KCNB2: variants seen among roughly 807,000 people sequenced by gnomAD.
KCNB2 encodes delayed rectifier potassium channel protein.
KCNB2 carries 15 observed loss-of-function variants against 61.5 expected under a neutral mutation model. That is an observed-to-expected ratio of 0.24 (90% CI 0.16 to 0.38). KCNB2 has a LOEUF of 0.38. Ranked by LOEUF, KCNB2 falls within the 10% of genes least tolerant of loss-of-function variation. The pLI is 1.00. For missense variants in KCNB2, 828 were observed against 1,125.2 expected (o/e 0.74, Z 3.78); for synonymous variants, 457 against 446.0 (o/e 1.02, Z -0.31).
intron 2 of KCNB2, among the ~76,000 whole-genome samples, chr8:72,584,561 T>C (rs978406717): frequency 5.3e-5 from 8 of 152,192 alleles, no homozygotes; most frequent in Non-Finnish European, 1.2e-4. Context: ...GTGAAAAATA[T>C]ATATTTTTTA....
intron 2 of KCNB2, among the ~76,000 whole-genome samples, chr8:72,853,813 C>G (rs1049142444): frequency 2.6e-5 from 4 of 152,124 alleles, no homozygotes; most frequent in African/African-American, 9.7e-5. Flanking sequence ...AAGTGACAAC[C>G]CTTTTCTCTG....
chr8:72,785,230 A>C (rs1808828202), intron 2 of KCNB2, among the ~76,000 whole-genome samples: 1 of 152,194 alleles, frequency 6.6e-6, no homozygotes, highest in Non-Finnish European at 1.5e-5. Flanking sequence ...AAAGCTGCTA[A>C]CCAATAAGGA....
intron 2 of KCNB2, among the ~76,000 whole-genome samples, chr8:72,659,476 C>T (rs1451402290): frequency 6.6e-6 from 1 of 152,178 alleles, no homozygotes; most frequent in African/African-American, 2.4e-5. Context: ...GTTGATAATG[C>T]AGCATCAGGG....
intron 1 of KCNB2, among the ~76,000 whole-genome samples, chr8:72,539,177 T>C (rs1806156740): frequency 6.6e-6 from 1 of 152,228 alleles, no homozygotes; most frequent in South Asian, 2.1e-4. Context: ...TTCTTTGTTC[T>C]TAAATTAACT....
chr8:72,596,829 AAATATC>A (rs1807199742), intron 2 of KCNB2, among the ~76,000 whole-genome samples: 1 of 152,084 alleles, frequency 6.6e-6, no homozygotes, highest in East Asian at 1.9e-4. Flanking sequence ...GGGGTTTTCC[AAATATC>A]ACATGCATGA....
intron 1 of KCNB2, among the ~76,000 whole-genome samples, chr8:72,560,536 A>G (rs1318866289): frequency 1.3e-5 from 2 of 151,940 alleles, no homozygotes; most frequent in East Asian, 1.9e-4. Context: ...ATCACCTTTC[A>G]TCTTTATCGC....
rs1319208120 is a variant in KCNB2 at position 72,537,391 on chromosome 8, C to G, written c.-588C>G. The G allele has an allele frequency of 6.5e-6, 1 of 153,132 alleles. No individual in the cohort carries two copies. The highest frequency in any genetic ancestry group is 2.4e-5 in the African/African-American group (1 of 41,404). The allele number at this position is 153,132 out of a possible 1,614,324, so 9.5% of individuals were successfully genotyped here. On this transcript the variant is annotated 5_prime_UTR_variant, in exon 1 of 3. Transcript: ENST00000523207. ...CTCCGCCCTCCGCCCCCGCGGCCGCCGCCGCCGCTGCGCCTCGGGCAGCCC... is the reference window on the plus strand; with the variant it reads ...CTCCGCCCTCCGCCCCCGCGGCCGCGGCCGCCGCTGCGCCTCGGGCAGCCC...
intron 2 of KCNB2, among the ~76,000 whole-genome samples, chr8:72,594,967 C>T (rs974446966): frequency 1.1e-4 from 16 of 152,126 alleles, no homozygotes; most frequent in African/African-American, 2.4e-4. Flanking sequence ...AACAAGAATT[C>T]GTACAAGAAC....
At chr8:72,554,543 G>A (rs2128977610) in intron 1 of KCNB2, among the ~76,000 whole-genome samples, 1 of 152,118 alleles carries the variant, frequency 6.6e-6, no homozygotes, top group South Asian at 2.1e-4. Context: ...TATTTTTGGT[G>A]CTCTGCGGTA....
In KCNB2 at chr8:72,920,461, C is replaced by CTATATATATATA. The variant is rs1210179232; in HGVS notation, c.580-15471_580-15470insATATATATATAT. Among the ~76,000 whole-genome samples, 292 of 72,534 alleles carry CTATATATATATA rather than the reference C, an allele frequency of 4.0e-3. 10 individuals carry two copies. The highest frequency in any genetic ancestry group is 8.2e-3 in the East Asian group (32 of 3,880). The allele number at this position is 72,534 out of a possible 152,430, so 47.6% of individuals were successfully genotyped here. On this transcript the variant is annotated intron_variant, in intron 2 of 2. Coordinates refer to ENST00000523207, the MANE Select transcript of KCNB2 (RefSeq NM_004770.3). ...CCACTATATCTATCTATCTATCTAT[C>CTATATATATATA]TATCTATCTATCTATATATATATAT...
At chr8:72,549,276 G>A (rs182817723) in intron 1 of KCNB2, among the ~76,000 whole-genome samples, 10 of 152,106 alleles carry the variant, frequency 6.6e-5, no homozygotes, top group Non-Finnish European at 1.2e-4. Flanking sequence ...GCACTCCCAC[G>A]CCCCCTAACA....
chr8:72,549,285 C>T (rs1806308026), intron 1 of KCNB2, among the ~76,000 whole-genome samples: 3 of 152,220 alleles, frequency 2.0e-5, no homozygotes, highest in African/African-American at 7.2e-5. Context: ...CGCCCCCTAA[C>T]ATCAAGGTGT....
chr8:72,829,998 A>C (rs1394343599), intron 2 of KCNB2, among the ~76,000 whole-genome samples: 1 of 151,608 alleles, frequency 6.6e-6, no homozygotes, highest in Non-Finnish European at 1.5e-5. Context: ...AAAAAAAAAA[A>C]AGCCAACTAG....
chr8:72,641,362 A>T (rs907347778), intron 2 of KCNB2, among the ~76,000 whole-genome samples: 1 of 152,066 alleles, frequency 6.6e-6, no homozygotes, highest in African/African-American at 2.4e-5. Flanking sequence ...TCACATTCAT[A>T]TAATTAGTTA....
chr8:72,598,475 C>G (rs1202929189), intron 2 of KCNB2, among the ~76,000 whole-genome samples: 4 of 152,186 alleles, frequency 2.6e-5, no homozygotes, highest in Non-Finnish European at 5.9e-5. Context: ...CTATCTATGA[C>G]AGACCTACAG....
rs535648039 is a variant in KCNB2 at position 72,579,215 on chromosome 8, C to G, written c.579+10902C>G. 2.0e-5 allele frequency among the ~76,000 whole-genome samples: 3 copies of G among 152,254 alleles called. No homozygotes were observed. In the South Asian group the frequency reaches 6.2e-4, roughly 32 times the overall value. ...CCTCGAGAGCCCTCCTCACCTAGGA[C>G]TGTTTGGGTTATACTTTACTGAACA... is the stretch of plus-strand genomic sequence containing the variant. On this transcript the variant is annotated intron_variant, in intron 2 of 2. Transcript: ENST00000523207.
At chr8:72,858,275 A>C (rs1810238369) in intron 2 of KCNB2, among the ~76,000 whole-genome samples, 1 of 152,234 alleles carries the variant, frequency 6.6e-6, no homozygotes, top group East Asian at 1.9e-4. Flanking sequence ...ATCATTAAAA[A>C]GTTTAACTAA....
chr8:72,710,874 G>T (rs1423588571), intron 2 of KCNB2, among the ~76,000 whole-genome samples: 7 of 152,156 alleles, frequency 4.6e-5, no homozygotes, highest in African/African-American at 1.7e-4. Flanking sequence ...GGCCTCTCAA[G>T]GCTATTTAAG....
intron 2 of KCNB2, among the ~76,000 whole-genome samples, chr8:72,585,726 A>AT: frequency 6.6e-6 from 1 of 152,262 alleles, no homozygotes; most frequent in South Asian, 2.1e-4. Flanking sequence ...AAAACCTAAG[A>AT]TTTTTCATAT....
Sources: allele counts gnomAD v4.1 joint callset (sites outside exome capture counted in the v4.1 genomes callset), GRCh38; gene constraint gnomAD v4.1.1; transcripts MANE v1.5; gene names NCBI Gene and HGNC (gene_info 2026-07-23, HGNC 2026-07-21).